Variants in MED12L observed in about 807,000 individuals in gnomAD.
MED12L encodes mediator of RNA polymerase II transcription subunit 12-like protein.
MED12L carries 60 observed loss-of-function variants against 281.3 expected under a neutral mutation model. That is an observed-to-expected ratio of 0.21 (90% CI 0.17 to 0.26). The LOEUF (loss-of-function observed/expected upper bound fraction) is 0.26, where lower values mean the gene tolerates loss of function less well. Ranked by LOEUF, MED12L falls within the 10% of genes least tolerant of loss-of-function variation. The probability of loss-of-function intolerance (pLI) is 1.00; values close to 1 mark genes in which losing one functional copy is unlikely to be tolerated. For synonymous variants in MED12L, 974 were observed against 987.2 expected, an observed-to-expected ratio of 0.99 and a Z score of 0.25; for missense variants, 2,146 against 2,680.9, an observed-to-expected ratio of 0.80 and a Z score of 4.41.
chr3:151,308,347 TACTG>T (rs1367110003), intron 16 of MED12L, among the ~76,000 whole-genome samples: 8 of 152,132 alleles, frequency 5.3e-5, no homozygotes, highest in Non-Finnish European at 1.0e-4. Flanking sequence ...TTTTACAACT[TACTG>T]AGGTGAAACA....
At chr3:151,391,142 C>CAA (rs1180857907) in intron 38 of MED12L, among the ~76,000 whole-genome samples, 2 of 152,258 alleles carry the variant, frequency 1.3e-5, no homozygotes, top group South Asian at 4.1e-4. Context: ...CTAAAGTGTG[C>CAA]AAAATACCTA....
intron 2 of MED12L, among the ~76,000 whole-genome samples, chr3:151,108,567 G>A (rs531470239): frequency 1.3e-5 from 2 of 152,288 alleles, no homozygotes; most frequent in South Asian, 4.1e-4. Context: ...AAAGTGTTTT[G>A]TTTGTTCTGA....
At chr3:151,355,871 A>C (rs757897840) in intron 18 of MED12L, 25 bp from the exon 19 acceptor site, 2 of 1,589,530 alleles carry the variant, frequency 1.3e-6, no homozygotes, top group South Asian at 2.3e-5. Flanking sequence ...TTGGTCTTAC[A>C]ATATTTTTGT....
At chr3:151,338,685 CG>C (rs1751376529) in intron 16 of MED12L, 2 of 1,613,360 alleles carry the variant, frequency 1.2e-6, no homozygotes, top group Admixed American at 1.7e-5. Context: ...TGATTTACTC[CG>C]GATTTGAAAG....
At chr3:151,300,136 G>A in intron 16 of MED12L, 2 of 1,525,744 alleles carry the variant, frequency 1.3e-6, no homozygotes, top group Non-Finnish European at 1.8e-6. Flanking sequence ...AAAGATGCGT[G>A]TCAGGAAACA....
chr3:151,382,428 CTA>C (rs1712546578), intron 32 of MED12L, among the ~76,000 whole-genome samples: 1 of 152,036 alleles, frequency 6.6e-6, no homozygotes, highest in South Asian at 2.1e-4. Context: ...CATAGGCTAG[CTA>C]TATAATTATA....
At chr3:151,184,139 T>C (rs1341427846) in intron 11 of MED12L, among the ~76,000 whole-genome samples, 2 of 152,240 alleles carry the variant, frequency 1.3e-5, no homozygotes, top group Non-Finnish European at 2.9e-5. Flanking sequence ...ACTCATTTCT[T>C]TGGTTTGAGT....
chr3:151,246,915 A>T (rs907544507), intron 16 of MED12L, among the ~76,000 whole-genome samples: 21 of 152,198 alleles, frequency 1.4e-4, no homozygotes, highest in Non-Finnish European at 2.6e-4. Flanking sequence ...ACTGAAACAA[A>T]TTTACAAGAA....
intron 25 of MED12L, 44 bp from the exon 26 acceptor site, chr3:151,369,392 C>T (rs1755904449): frequency 2.3e-6 from 3 of 1,318,500 alleles, no homozygotes; most frequent in African/African-American, 1.5e-5. Flanking sequence ...CAAAACATTA[C>T]TAATGATGGT....
chr3:151,228,745 T>C (rs770129044), intron 16 of MED12L, among the ~76,000 whole-genome samples: 3 of 152,206 alleles, frequency 2.0e-5, no homozygotes, highest in Non-Finnish European at 4.4e-5. Flanking sequence ...GGCACAAAGC[T>C]CTGCATCACT....
At chr3:151,355,452 GATA>G (rs1423233606) in intron 18 of MED12L, among the ~76,000 whole-genome samples, 1 of 152,014 alleles carries the variant, frequency 6.6e-6, no homozygotes, top group Non-Finnish European at 1.5e-5. Context: ...TTGTCCTTAT[GATA>G]ATAATCGGTG....
At chr3:151,145,549 A>G (rs1717647892) in intron 5 of MED12L, among the ~76,000 whole-genome samples, 1 of 152,232 alleles carries the variant, frequency 6.6e-6, no homozygotes, top group African/African-American at 2.4e-5. Flanking sequence ...AAACCTGGGT[A>G]AGATTGGTGA....
At chr3:151,377,934 G>C in intron 30 of MED12L, 78 bp from the exon 31 acceptor site, 1 of 1,378,876 alleles carries the variant, frequency 7.3e-7, no homozygotes, top group South Asian at 1.6e-5. Context: ...TCAAAGTTTC[G>C]CTTTGGAGTT....
At chr3:151,420,901 A>G (rs966933647) in intron 43 of MED12L, among the ~76,000 whole-genome samples, 6 of 152,174 alleles carry the variant, frequency 3.9e-5, no homozygotes, top group Non-Finnish European at 7.4e-5. Flanking sequence ...CATCCGGAGT[A>G]AGTGTCTTCC....
At chr3:151,326,044 A>C (rs1749551490) in intron 16 of MED12L, among the ~76,000 whole-genome samples, 1 of 152,184 alleles carries the variant, frequency 6.6e-6, no homozygotes, top group Non-Finnish European at 1.5e-5. Context: ...ATTTTACTTA[A>C]CCATTATCAA....
chr3:151,188,283 A>G, intron 12 of MED12L, 71 bp from the exon 13 acceptor site: 2 of 1,287,102 alleles, frequency 1.6e-6, no homozygotes, highest in Non-Finnish European at 2.2e-6. Flanking sequence ...GCCAATAAAA[A>G]ATTAACAAAT....
chr3:151,161,589 G>T (rs539730841), intron 8 of MED12L, among the ~76,000 whole-genome samples: 31 of 152,152 alleles, frequency 2.0e-4, no homozygotes, highest in African/African-American at 6.5e-4. Context: ...AATTATATTA[G>T]CGTATGGATA....
intron 16 of MED12L, among the ~76,000 whole-genome samples, chr3:151,209,462 G>A (rs1726830709): frequency 6.6e-6 from 1 of 152,008 alleles, no homozygotes. Context: ...TTTTTTTGAC[G>A]GGCATGTCTT....
intron 16 of MED12L, among the ~76,000 whole-genome samples, chr3:151,344,355 T>C (rs1752273717): frequency 6.6e-6 from 1 of 152,032 alleles, no homozygotes; most frequent in South Asian, 2.1e-4. Flanking sequence ...TCCTCATCCA[T>C]GTGCACACCC....
Sources: allele counts gnomAD v4.1 joint callset (sites outside exome capture counted in the v4.1 genomes callset), GRCh38; gene constraint gnomAD v4.1.1; transcripts MANE v1.5; gene names NCBI Gene and HGNC (gene_info 2026-07-23, HGNC 2026-07-21).